The following ADGRB1 variants were observed in gnomAD, a reference collection of about 807,000 sequenced individuals.
The protein encoded by ADGRB1 is adhesion G protein-coupled receptor B1, also known as brain-specific angiogenesis inhibitor 1.
In ADGRB1, 36 loss-of-function variants were observed where a neutral mutation model predicts 175.7. The observed-to-expected ratio is 0.20, with a 90% CI of 0.16 to 0.27. The LOEUF (loss-of-function observed/expected upper bound fraction) is 0.27. Among genes scored for constraint, ADGRB1 ranks in the 10% least tolerant of loss-of-function variants. The pLI, the probability that ADGRB1 is intolerant of heterozygous loss-of-function variation, is 1.00. For synonymous variants in ADGRB1, 1,054 were observed against 979.4 expected (o/e 1.08, Z -1.42); for missense variants, 1,731 against 2,255.3 (o/e 0.77, Z 4.71).
At chr8:142,488,949 G>A in intron 14 of ADGRB1, 86 bp from the exon 15 acceptor site, 2 of 1,478,508 alleles carry the variant, frequency 1.4e-6, no homozygotes, top group Non-Finnish European at 1.8e-6. Flanking sequence ...GCAGATGCCA[G>A]TGACAGCGGG....
rs1304350778 is a variant in ADGRB1, at chr8:142,510,718, G to A, written c.2676-214G>A. On this transcript the variant is annotated intron_variant, in intron 17 of 30. Transcript: ENST00000517894. The surrounding 1 kb of genome is among the most constrained non-coding windows in gnomAD (Gnocchi z 6.3). ...GGGCTGCGCTCCGCGGCTCTCGGCG[G>A]CGGCGGCGGCGGGCGCAGAGCGCGG... Among the ~76,000 whole-genome samples, 1 of 145,558 alleles carries A rather than the reference G, an allele frequency of 6.9e-6. No homozygotes were observed. The highest frequency in any genetic ancestry group is 6.8e-5 in the Admixed American group (1 of 14,692).
At chr8:142,502,469 A>AGT (rs373750395) in intron 17 of ADGRB1, among the ~76,000 whole-genome samples, 1 of 7,020 alleles carries the variant, frequency 1.4e-4, no homozygotes, top group Non-Finnish European at 2.7e-4. Context: ...TGCAGTCATC[A>AGT]CTGTGGTTTT....
intron 1 of ADGRB1, among the ~76,000 whole-genome samples, chr8:142,454,265 G>A (rs578006623): frequency 7.9e-5 from 12 of 152,178 alleles, no homozygotes; most frequent in South Asian, 2.1e-4. Context: ...CAGCCCCGAC[G>A]CCACCCAAAA....
At chr8:142,470,354 AAGC>A (rs1403670747) in intron 2 of ADGRB1, among the ~76,000 whole-genome samples, 3 of 152,170 alleles carry the variant, frequency 2.0e-5, no homozygotes, top group Admixed American at 6.5e-5. Context: ...GATCATGAAA[AAGC>A]AGCGTCCTGG....
chr8:142,515,012 T>G (rs1205975720), intron 18 of ADGRB1, among the ~76,000 whole-genome samples: 1 of 151,958 alleles, frequency 6.6e-6, no homozygotes, highest in African/African-American at 2.4e-5. Flanking sequence ...GATATAGGGT[T>G]CAGGAGAAGA....
At chr8:142,467,369 C>T (rs567955848) in intron 2 of ADGRB1, among the ~76,000 whole-genome samples, 108 of 152,274 alleles carry the variant, frequency 7.1e-4, no homozygotes, top group Admixed American at 3.4e-3. Flanking sequence ...CTGGTCAGGA[C>T]GCTGCAGCAG....
At position 142,543,970 on chromosome 8, in the gene ADGRB1, A is replaced by G. The variant is rs140280972; in HGVS notation, c.4558-250A>G. Among the ~76,000 whole-genome samples, 1 of 152,192 alleles carries G rather than the reference A, an allele frequency of 6.6e-6. No individual in the cohort carries two copies. The highest frequency in any genetic ancestry group is 2.4e-5 in the African/African-American group (1 of 41,522). On this transcript the variant is annotated intron_variant, in intron 30 of 30. Transcript: ENST00000517894. This position sits in a 1 kb window ranked among gnomAD's most constrained non-coding sequence, Gnocchi z 4.4. The stretch of plus-strand genomic sequence containing the variant: ...GATTGGGGTGGAGCCAATCCAGGGC[A>G]GGGTCCCCACAGCCTGACCCGACCG...
intron 24 of ADGRB1, among the ~76,000 whole-genome samples, chr8:142,529,412 C>T (rs1844455907): frequency 6.6e-6 from 1 of 152,066 alleles, no homozygotes; most frequent in African/African-American, 2.4e-5. Context: ...TGTAGCCAAC[C>T]GCCCCCATAC....
At position 142,524,459 on chromosome 8, in the gene ADGRB1, C is replaced by T. The variant is rs542223096; in HGVS notation, c.3312+155C>T. On this transcript the variant is annotated intron_variant, in intron 23 of 30. Transcript: ENST00000517894. ...CATCACCAGGGGGTGGGGGTGCCCA[C>T]AGCCCCACTCTGACCTGCCCTTGGC... is the stretch of plus-strand genomic sequence containing the variant. Among the ~76,000 whole-genome samples the T allele has an allele frequency of 2.6e-5, 4 of 152,304 alleles. No individual in the cohort carries two copies. In the East Asian group the frequency reaches 7.7e-4, roughly 29 times the overall value.
intron 1 of ADGRB1, among the ~76,000 whole-genome samples, chr8:142,454,048 G>C (rs1346383640): frequency 1.3e-5 from 2 of 152,206 alleles, no homozygotes; most frequent in Non-Finnish European, 2.9e-5. Context: ...TGTTCTGGGA[G>C]CTGCTGTCAG....
Position 142,510,878 on chromosome 8 carries a change from C to T in ADGRB1, c.2676-54C>T. 2.0e-6 allele frequency: 2 copies of T among 992,020 alleles called. No individual in the cohort carries two copies. The highest frequency in any genetic ancestry group is 2.4e-6 in the Non-Finnish European group (2 of 827,228). 61.5% of individuals were successfully genotyped at this position (992,020 alleles called of 1,614,324 possible). Reference sequence around the variant, plus strand: ...GCTCGGGGGCCGGGGCGCCCGCGTCCCCGCCGCCGCTGACGCTCCGCCTGT... The same window carrying T: ...GCTCGGGGGCCGGGGCGCCCGCGTCTCCGCCGCCGCTGACGCTCCGCCTGT... On this transcript the variant is annotated intron_variant, in intron 17 of 30. Transcript: ENST00000517894. The surrounding 1 kb of genome is among the most constrained non-coding windows in gnomAD (Gnocchi z 6.3).
chr8:142,541,407 G>A (rs1845263486), intron 27 of ADGRB1, among the ~76,000 whole-genome samples: 1 of 152,130 alleles, frequency 6.6e-6, no homozygotes, highest in African/African-American at 2.4e-5. Context: ...GCAGAGCAGG[G>A]AGGCTTGCAG....
In ADGRB1 at chr8:142,529,774, G is replaced by A. The variant is rs183671757; in HGVS notation, c.3398+3147G>A. Among the ~76,000 whole-genome samples the A allele has an allele frequency of 1.6e-3, 242 of 151,118 alleles. 1 individual carries two copies. Among genetic ancestry groups the A allele is most frequent in the African/African-American group, 5.5e-3 (226 of 40,988 alleles). ...TGAGTGTGCATCTATGTGTGTGGACGTGTGAGGATGCATCTGTGTACCTGT... is the reference window on the plus strand; with the variant it reads ...TGAGTGTGCATCTATGTGTGTGGACATGTGAGGATGCATCTGTGTACCTGT... On this transcript the variant is annotated intron_variant, in intron 24 of 30. Transcript: ENST00000517894.
At position 142,511,694 on chromosome 8, in the gene ADGRB1, A is replaced by G. The variant is rs951864926; in HGVS notation, c.2817+621A>G. The stretch of plus-strand genomic sequence containing the variant: ...ACGGCATCTGGGGTCAGCCGCTGGC[A>G]GGGGCCCTGGGTGCTGGGCGCAGCT... On this transcript the variant is annotated intron_variant, in intron 18 of 30. Transcript: ENST00000517894. The surrounding 1 kb of genome is among the most constrained non-coding windows in gnomAD (Gnocchi z 4.5). Among the ~76,000 whole-genome samples the G allele has an allele frequency of 3.9e-5, 6 of 152,108 alleles. No homozygotes were observed. The highest frequency in any genetic ancestry group is 3.9e-4 in the Admixed American group (6 of 15,286).
At position 142,474,218 on chromosome 8, in the gene ADGRB1, G is replaced by A. The variant is rs1840811111; in HGVS notation, c.785-1256G>A. 6.6e-6 allele frequency among the ~76,000 whole-genome samples: 1 copy of A among 152,120 alleles called. No homozygotes were observed. Among genetic ancestry groups the A allele is most frequent in the Non-Finnish European group, 1.5e-5 (1 of 68,000 alleles). On this transcript the variant is annotated intron_variant, in intron 2 of 30. Coordinates refer to ENST00000517894, the MANE Select transcript of ADGRB1 (RefSeq NM_001702.3). The surrounding 1 kb of genome is among the most constrained non-coding windows in gnomAD (Gnocchi z 5.8). Reference sequence around the variant, plus strand: ...CAAGAGGCCCTGGGGCCCTTCTGGTGGGTCGGGGTGGCCTGTGCTTGGCCT... The same window carrying A: ...CAAGAGGCCCTGGGGCCCTTCTGGTAGGTCGGGGTGGCCTGTGCTTGGCCT...
chr8:142,530,272 C>T (rs1248934973), intron 24 of ADGRB1, among the ~76,000 whole-genome samples: 1 of 151,990 alleles, frequency 6.6e-6, no homozygotes, highest in Non-Finnish European at 1.5e-5. Flanking sequence ...GAGCAGGAGG[C>T]AGCCAGGGCC....
rs947278532 is a variant in ADGRB1, at chr8:142,540,692, G to A, written c.3707-1249G>A. 3.9e-5 allele frequency among the ~76,000 whole-genome samples: 6 copies of A among 152,164 alleles called. No homozygotes were observed. In the South Asian group the frequency reaches 8.3e-4, roughly 21 times the overall value. On this transcript the variant is annotated intron_variant, in intron 27 of 30. Coordinates refer to ENST00000517894, the MANE Select transcript of ADGRB1 (RefSeq NM_001702.3). The stretch of plus-strand genomic sequence containing the variant: ...CAAAGTGTGAGGTGTGTGGGAGGTC[G>A]GGAGCCCCAGGGTCTGTGCGGGGTG...
intron 3 of ADGRB1, 24 bp from the exon 4 acceptor site, chr8:142,476,561 T>G: frequency 6.5e-7 from 1 of 1,544,694 alleles, no homozygotes; most frequent in Non-Finnish European, 8.7e-7. Flanking sequence ...ACCGCTCCTG[T>G]GCTGACCTAA....
intron 1 of ADGRB1, among the ~76,000 whole-genome samples, chr8:142,462,919 C>A (rs1359630179): frequency 1.3e-5 from 2 of 152,178 alleles, no homozygotes; most frequent in East Asian, 3.9e-4. Flanking sequence ...GGATCCAGGG[C>A]CTTCACTGTA....
Sources: allele counts gnomAD v4.1 joint callset (sites outside exome capture counted in the v4.1 genomes callset), GRCh38; gene constraint gnomAD v4.1.1; non-coding constraint Gnocchi (gnomAD v3.1); transcripts MANE v1.5; gene names NCBI Gene and HGNC (gene_info 2026-07-23, HGNC 2026-07-21).